Variants in FAT4 observed in about 807,000 individuals in gnomAD.
The protein encoded by FAT4 is FAT atypical cadherin 4.
In FAT4, 84 loss-of-function variants were observed where a neutral mutation model predicts 303.9. That is an observed-to-expected ratio of 0.28 (90% CI 0.23 to 0.33). The LOEUF is 0.33. Ranked by LOEUF, FAT4 falls within the 10% of genes least tolerant of loss-of-function variation. The pLI is 1.00. For missense variants in FAT4, 6,005 were observed against 6,146.8 expected (o/e 0.98, Z 0.77); for synonymous variants, 2,307 against 2,298.8 (o/e 1.00, Z -0.10).
In FAT4 at chr4:125,425,721, G is replaced by A. The variant is rs189454125; in HGVS notation, c.7019-8524G>A. 2.4e-3 allele frequency among the ~76,000 whole-genome samples: 364 copies of A among 152,114 alleles called. 4 individuals carry two copies. Among genetic ancestry groups the A allele is most frequent in the Admixed American group, 8.1e-3 (124 of 15,270 alleles). ...GCTGTATGTTTGCATTGAATTTGGG[G>A]GTAGGAGATTAATCTGCGCACAAAT... On this transcript the variant is annotated intron_variant, in intron 7 of 17. Transcript: ENST00000394329.
Position 125,366,814 on chromosome 4 carries a change from T to A in FAT4, c.5176-31970T>A, listed in dbSNP as rs960187662. Reference sequence around the variant, plus strand: ...CATTCTGCTTGTATGAGATGGTATCTCATTGTGGTTTTGACTTGCATTTCT... The same window carrying A: ...CATTCTGCTTGTATGAGATGGTATCACATTGTGGTTTTGACTTGCATTTCT... On this transcript the variant is annotated intron_variant, in intron 2 of 17. Transcript: ENST00000394329. 2.0e-5 allele frequency among the ~76,000 whole-genome samples: 3 copies of A among 152,038 alleles called. No homozygotes were observed. In the South Asian group the frequency reaches 6.2e-4, roughly 31 times the overall value.
chr4:125,317,578 G>A lies in FAT4; in HGVS notation c.1167G>A (p.Ala389=), dbSNP rs780289125. 5 of 1,613,874 alleles carry A rather than the reference G, an allele frequency of 3.1e-6. No individual in the cohort carries two copies. In the East Asian group the frequency reaches 1.1e-4, roughly 36 times the overall value. ...CCGTGACGGACGCAGATTCTCCCGC[G>A]GCCAACGGGAACATCTCCGTGCAAA... ...LLTVTDADSP[A]ANGNISVQIL... is the part of the protein sequence containing the mutation. Residue 389 remains alanine (A), a synonymous_variant, in exon 2 of 18, where the codon GCG becomes GCA. Coordinates refer to ENST00000394329, the MANE Select transcript of FAT4 (RefSeq NM_001291303.3). This position sits in a 1 kb window ranked among gnomAD's most constrained non-coding sequence, Gnocchi z 7.0.
chr4:125,485,885 G>C (rs1727391309), intron 16 of FAT4, among the ~76,000 whole-genome samples: 1 of 152,008 alleles, frequency 6.6e-6, no homozygotes. Context: ...CAGCTCCTAT[G>C]GTTCATCATT....
At position 125,450,064 on chromosome 4, in the gene FAT4, T is replaced by A; in HGVS notation, c.9054T>A (p.Asn3018Lys). 6.2e-7 allele frequency: 1 copy of A among 1,613,928 alleles called. No individual in the cohort carries two copies. Among genetic ancestry groups the A allele is most frequent in the South Asian group, 1.1e-5 (1 of 91,078 alleles). Residue 3018 changes from asparagine (N) to lysine (K), a missense_variant, in exon 10 of 18, where the codon AAT (asparagine) becomes AAA (lysine). Coordinates refer to ENST00000394329, the MANE Select transcript of FAT4 (RefSeq NM_001291303.3). ...TAGATGACAAAGATTTTGGACTGAA[T>A]TCAGAAGTGGAGTATTTCATTTCTA... ...TAIDDKDFGL[N>K]SEVEYFISND...
At chr4:125,489,195 G>A (rs939717169) in intron 17 of FAT4, among the ~76,000 whole-genome samples, 1 of 152,216 alleles carries the variant, frequency 6.6e-6, no homozygotes, top group African/African-American at 2.4e-5. Flanking sequence ...AAAATAGATT[G>A]TTGGGCCCTG....
At position 125,450,639 on chromosome 4, in the gene FAT4, C is replaced by T. The variant is rs1197910164; in HGVS notation, c.9629C>T (p.Pro3210Leu). 6.2e-7 allele frequency: 1 copy of T among 1,613,978 alleles called. No individual in the cohort carries two copies. Among genetic ancestry groups the T allele is most frequent in the Non-Finnish European group, 8.5e-7 (1 of 1,180,012 alleles). The change falls in exon 10 of 18, where the codon CCA (proline) becomes CTA (leucine). Residue 3210 changes from proline (P) to leucine (L), a missense_variant. Pro to Leu is a moderately conservative substitution (Grantham distance 98). Transcript: ENST00000394329. ...TTCCCTACTGTTTTGGAAAATGCCC[C>T]AAGTGGAACAACAGTTATCCACCTA... ...DYFPTVLENAPSGTTVIHLNA... is the reference protein window; with the variant it reads ...DYFPTVLENALSGTTVIHLNA...
intron 2 of FAT4, among the ~76,000 whole-genome samples, chr4:125,373,772 A>C (rs1733212399): frequency 6.6e-6 from 1 of 152,208 alleles, no homozygotes; most frequent in African/African-American, 2.4e-5. Flanking sequence ...CCAGGGTCAT[A>C]CAGGTGAACA....
Position 125,317,676 on chromosome 4 carries a change from T to C in FAT4, c.1265T>C (p.Val422Ala), listed in dbSNP as rs1409860833. 1 of 1,614,044 alleles carries C rather than the reference T, an allele frequency of 6.2e-7. No homozygotes were observed. The highest frequency in any genetic ancestry group is 1.3e-5 in the African/African-American group (1 of 75,060). Residue 422 changes from valine to alanine, a missense_variant, in exon 2 of 18, where the codon GTG becomes GCG. By Grantham distance (64) the Val-to-Ala change is moderately conservative. Transcript: ENST00000394329. The surrounding 1 kb of genome is among the most constrained non-coding windows in gnomAD (Gnocchi z 7.0). ...GTGCCGAACCTGAGCCTAATCAAGG[T>C]GGCCAGCGCCTTGGACCGCGAGCGC... is the stretch of plus-strand genomic sequence containing the variant. ...SKVPNLSLIK[V>A]ASALDRERIP...
Position 125,320,602 on chromosome 4 carries a change from A to C in FAT4, c.4191A>C (p.Arg1397Ser), listed in dbSNP as rs763688212. 19 of 1,614,070 alleles carry C rather than the reference A, an allele frequency of 1.2e-5. No individual in the cohort carries two copies. Among genetic ancestry groups the C allele is most frequent in the Admixed American group, 1.7e-5 (1 of 60,020 alleles). Residue 1397 changes from arginine to serine, a missense_variant, in exon 2 of 18, where the codon AGA (arginine) becomes AGC (serine). Coordinates refer to ENST00000394329, the MANE Select transcript of FAT4 (RefSeq NM_001291303.3). Reference protein sequence around the residue: ...KLNITAKDQGRPPRSSTMSVV... With the variant: ...KLNITAKDQGSPPRSSTMSVV... ...ATATAACAGCAAAAGACCAAGGAAG[A>C]CCTCCTCGTTCATCTACAATGTCAG...
At chr4:125,331,779 G>C (rs562475410) in intron 2 of FAT4, among the ~76,000 whole-genome samples, 2 of 152,228 alleles carry the variant, frequency 1.3e-5, no homozygotes, top group African/African-American at 2.4e-5. Context: ...TTTAATTACT[G>C]TCATTCCTTT....
intron 2 of FAT4, among the ~76,000 whole-genome samples, chr4:125,375,728 AT>A (rs936786974): frequency 6.6e-6 from 1 of 152,196 alleles, no homozygotes; most frequent in Non-Finnish European, 1.5e-5. Flanking sequence ...TAAGGAATTA[AT>A]TTCTGCTTTT....
intron 3 of FAT4, among the ~76,000 whole-genome samples, chr4:125,404,976 A>T (rs1578604201): frequency 6.6e-6 from 1 of 150,438 alleles, no homozygotes; most frequent in African/African-American, 2.4e-5. Context: ...AATACTTGGG[A>T]CCAGAAGTGT....
Position 125,449,492 on chromosome 4 carries a change from G to C in FAT4, c.8482G>C (p.Asp2828His). The C allele has an allele frequency of 6.2e-7, 1 of 1,613,786 alleles. No homozygotes were observed. Among genetic ancestry groups the C allele is most frequent in the South Asian group, 1.1e-5 (1 of 91,070 alleles). ...LPFTINPSTG[D>H]IVISRPLNRE... ...ATTTACAATTAATCCCAGCACAGGG[G>C]ATATTGTCATAAGCAGACCTTTAAA... The change falls in exon 10 of 18, where the codon GAT (aspartate) becomes CAT (histidine). Residue 2828 changes from aspartate (D) to histidine (H), a missense_variant. Asp to His is a moderately conservative substitution (Grantham distance 81). Transcript: ENST00000394329.
Position 125,476,227 on chromosome 4 carries a change from T to G in FAT4, c.12270T>G (p.Thr4090=). Residue 4090 remains threonine (T), a synonymous_variant, in exon 13 of 18, where the codon ACT becomes ACG. Transcript: ENST00000394329. ...CSENQEPGYC[T]VSNVAVSDDW... is the part of the protein sequence containing the mutation. ...AGAACCAAGAGCCAGGATATTGTACTGTCAGTAATGTGGCAGTTTCAGATG... is the reference window on the plus strand; with the variant it reads ...AGAACCAAGAGCCAGGATATTGTACGGTCAGTAATGTGGCAGTTTCAGATG... The G allele has an allele frequency of 6.3e-7, 1 of 1,596,250 alleles. No homozygotes were observed. Among genetic ancestry groups the G allele is most frequent in the African/African-American group, 1.3e-5 (1 of 74,744 alleles).
Position 125,491,722 on chromosome 4 carries a change from C to A in FAT4, c.14906C>A (p.Thr4969Lys), listed in dbSNP as rs763678476. 7.4e-6 allele frequency: 12 copies of A among 1,613,698 alleles called. No homozygotes were observed. The highest frequency in any genetic ancestry group is 6.6e-5 in the South Asian group (6 of 91,060). Residue 4969 changes from threonine (T) to lysine (K), a missense_variant, in exon 18 of 18, where the codon ACA becomes AAA. Coordinates refer to ENST00000394329, the MANE Select transcript of FAT4 (RefSeq NM_001291303.3). The stretch of plus-strand genomic sequence containing the variant: ...GCAAATGAAGAAGGCAAAGCTGGGA[C>A]AACTAAACCAGTCCCCAAAGATGGG... ...AAANEEGKAGTTKPVPKDGEA... is the reference protein window; with the variant it reads ...AAANEEGKAGKTKPVPKDGEA...
At position 125,321,519 on chromosome 4, in the gene FAT4, G is replaced by A. The variant is rs1730950311; in HGVS notation, c.5108G>A (p.Cys1703Tyr). 3.7e-6 allele frequency: 6 copies of A among 1,614,058 alleles called. No homozygotes were observed. The highest frequency in any genetic ancestry group is 1.1e-5 in the South Asian group (1 of 91,066). The change falls in exon 2 of 18, where the codon TGT becomes TAT. Residue 1703 changes from cysteine to tyrosine, a missense_variant. Coordinates refer to ENST00000394329, the MANE Select transcript of FAT4 (RefSeq NM_001291303.3). The stretch of plus-strand genomic sequence containing the variant: ...ATTCTGGACCGGGAGCAAGGAGCAT[G>A]TCTTTACCTGGTGGATGTTTATGCC... ...AAILDREQGA[C>Y]LYLVDVYAIE...
intron 7 of FAT4, among the ~76,000 whole-genome samples, chr4:125,432,892 A>T (rs1457867059): frequency 6.6e-6 from 1 of 152,120 alleles, no homozygotes; most frequent in Non-Finnish European, 1.5e-5. Flanking sequence ...GGGAGGTATC[A>T]TGCTTCTTTA....
At chr4:125,456,542 A>G (rs1227227934) in intron 10 of FAT4, among the ~76,000 whole-genome samples, 7 of 152,174 alleles carry the variant, frequency 4.6e-5, no homozygotes, top group Non-Finnish European at 1.0e-4. Context: ...TGACAGTTTT[A>G]TTTCCTTTTT....
intron 2 of FAT4, among the ~76,000 whole-genome samples, chr4:125,363,144 C>CTATGTACA (rs1732734331): frequency 6.6e-6 from 1 of 151,996 alleles, no homozygotes; most frequent in Non-Finnish European, 1.5e-5. Flanking sequence ...ACAAGGCAAA[C>CTATGTACA]TATGTACATA....
Sources: gnomAD v4.1 joint callset for allele counts (sites outside exome capture counted in the v4.1 genomes callset) on GRCh38, gnomAD v4.1.1 for gene constraint, Gnocchi (gnomAD v3.1) non-coding constraint, MANE v1.5 for transcripts, NCBI Gene and HGNC (gene_info 2026-07-23, HGNC 2026-07-21) for gene names.